The following TASP1 variants were observed in gnomAD, a reference collection of about 807,000 sequenced individuals.
TASP1 encodes the protein threonine aspartase 1.
Under a neutral mutation model 56.6 loss-of-function variants are expected in TASP1, and 16 were observed. The observed-to-expected ratio is 0.28, with a 90% CI of 0.19 to 0.43. TASP1 has a LOEUF of 0.43. Among genes scored for constraint, TASP1 ranks in the 20% least tolerant of loss-of-function variants. The pLI is 1.00. For missense variants in TASP1, 393 were observed against 511.6 expected, an observed-to-expected ratio of 0.77 and a Z score of 2.24; for synonymous variants, 179 against 184.2, an observed-to-expected ratio of 0.97 and a Z score of 0.23.
the TASP1 span, chr20:13,243,948 G>A: frequency 3.3e-5 from 5 of 152,230 alleles, no homozygotes; most frequent in Admixed American, 1.3e-4. Flanking sequence ...TGTTTGCTTA[G>A]TGGAATGAGG....
At chr20:13,178,326 C>T in the TASP1 span, among the ~76,000 whole-genome samples, 1 of 152,048 alleles carries the variant, frequency 6.6e-6, no homozygotes, top group Non-Finnish European at 1.5e-5. Context: ...CTGGTACAGC[C>T]ACTATGAACA....
At chr20:13,528,303 C>A in intron 10 of TASP1, 130 bp downstream of exon 10, 4 of 458,344 alleles carry the variant, frequency 8.7e-6, no homozygotes, top group Non-Finnish European at 7.3e-6. Context: ...CTCGCAAATA[C>A]TGAAGATCTT....
intron 9 of TASP1, among the ~76,000 whole-genome samples, chr20:13,533,045 A>C (rs553529753): frequency 6.6e-6 from 1 of 152,190 alleles, no homozygotes; most frequent in East Asian, 1.9e-4. Flanking sequence ...TAGGAATGTA[A>C]GCAGCTTAGA....
chr20:13,568,317 A>G (rs1473807914), intron 7 of TASP1, among the ~76,000 whole-genome samples: 3 of 152,050 alleles, frequency 2.0e-5, no homozygotes, highest in African/African-American at 7.2e-5. Context: ...CTGGCTAATT[A>G]TACCCTATTT....
At chr20:13,190,885 A>T in the TASP1 span, among the ~76,000 whole-genome samples, 2 of 152,120 alleles carry the variant, frequency 1.3e-5, no homozygotes, top group African/African-American at 2.4e-5. Context: ...ATAACAGCTA[A>T]AAAAGAAAAA....
intron 12 of TASP1, among the ~76,000 whole-genome samples, chr20:13,419,252 ATTTG>A (rs941306271): frequency 2.0e-5 from 3 of 151,972 alleles, no homozygotes; most frequent in Non-Finnish European, 2.9e-5. Context: ...AAATGCACTT[ATTTG>A]TTTGTGTGTA....
chr20:13,164,326 T>C, the TASP1 span: 1 of 471,756 alleles, frequency 2.1e-6, no homozygotes, highest in Non-Finnish European at 4.4e-6. Flanking sequence ...GTTAATCAGC[T>C]CCCGCAACAT....
At chr20:13,416,744 C>G (rs1268966156) in intron 13 of TASP1, among the ~76,000 whole-genome samples, 1 of 152,042 alleles carries the variant, frequency 6.6e-6, no homozygotes, top group Admixed American at 6.5e-5. Context: ...AATTTATGAA[C>G]AAGAAGAACA....
Position 13,390,398 on chromosome 20 carries a change from C to T in TASP1, c.1225G>A (p.Glu409Lys), listed in dbSNP as rs761973059. Residue 409 changes from glutamate to lysine, a missense_variant, in exon 14 of 14, where the codon GAA becomes AAA. By Grantham distance (56) the Glu-to-Lys change is moderately conservative (BLOSUM62 1). Coordinates refer to ENST00000337743, the MANE Select transcript of TASP1 (RefSeq NM_017714.3). The stretch of plus-strand genomic sequence containing the variant: ...CTCTCCAGGCGGCACACCCCACCTT[C>T]GATTGCCACAGACTGTCCTGCCACC... ...GAVAGQSVAI[E>K]GGVCRLESPV... The T allele has an allele frequency of 1.9e-6, 3 of 1,613,978 alleles. No homozygotes were observed. The highest frequency in any genetic ancestry group is 2.2e-5 in the South Asian group (2 of 91,090).
the TASP1 span, among the ~76,000 whole-genome samples, chr20:13,106,543 C>A: frequency 3.3e-5 from 5 of 152,072 alleles, no homozygotes; most frequent in African/African-American, 1.2e-4. Context: ...AATCAGGAGG[C>A]TGTGTGTTGG....
chr20:13,299,551 C>G, the TASP1 span: 3 of 1,173,358 alleles, frequency 2.6e-6, no homozygotes, highest in Admixed American at 4.3e-5. The surrounding 1 kb of genome is among the most constrained non-coding windows in gnomAD (Gnocchi z 5.8). Context: ...ACCTTCATAG[C>G]TGCGGTCGTG....
At chr20:13,191,127 T>C in the TASP1 span, among the ~76,000 whole-genome samples, 2 of 152,172 alleles carry the variant, frequency 1.3e-5, no homozygotes, top group Non-Finnish European at 2.9e-5. Context: ...CGAACTCTTA[T>C]ATACTGTTAG....
the TASP1 span, among the ~76,000 whole-genome samples, chr20:13,137,316 G>C: frequency 6.6e-6 from 1 of 152,144 alleles, no homozygotes; most frequent in Non-Finnish European, 1.5e-5. Context: ...CTACTTGCAC[G>C]TTACACACTG....
intron 13 of TASP1, among the ~76,000 whole-genome samples, chr20:13,401,505 A>C (rs1199902708): frequency 2.0e-5 from 3 of 152,150 alleles, no homozygotes; most frequent in Non-Finnish European, 4.4e-5. Context: ...CACATCTGTA[A>C]CTCACCCATT....
At chr20:13,552,600 G>C (rs1461964495) in intron 8 of TASP1, among the ~76,000 whole-genome samples, 1 of 152,082 alleles carries the variant, frequency 6.6e-6, no homozygotes, top group Non-Finnish European at 1.5e-5. Flanking sequence ...AAGTGACATT[G>C]GCAAAAATTT....
intron 10 of TASP1, among the ~76,000 whole-genome samples, chr20:13,485,702 C>A (rs2043299227): frequency 6.6e-6 from 1 of 152,090 alleles, no homozygotes; most frequent in Non-Finnish European, 1.5e-5. Context: ...ATAAAGCTAA[C>A]AGAAAGAAAT....
chr20:13,495,029 C>A (rs918939419), intron 10 of TASP1, among the ~76,000 whole-genome samples: 8 of 151,460 alleles, frequency 5.3e-5, no homozygotes, highest in African/African-American at 1.9e-4. Flanking sequence ...TTTCACTATA[C>A]ATATTGATTA....
At chr20:13,227,189 A>C in the TASP1 span, among the ~76,000 whole-genome samples, 6 of 151,344 alleles carry the variant, frequency 4.0e-5, no homozygotes, top group Non-Finnish European at 8.8e-5. Context: ...TTGACTTTTT[A>C]ATTTACTTTT....
chr20:13,291,849 C>G, the TASP1 span, among the ~76,000 whole-genome samples: 4 of 152,186 alleles, frequency 2.6e-5, no homozygotes, highest in Admixed American at 2.6e-4. Context: ...ACTTGCTGCT[C>G]TAAGTACTTT....
Sources: gnomAD v4.1 joint callset for allele counts (sites outside exome capture counted in the v4.1 genomes callset) on GRCh38, gnomAD v4.1.1 for gene constraint, Gnocchi (gnomAD v3.1) non-coding constraint, MANE v1.5 for transcripts, NCBI Gene and HGNC (gene_info 2026-07-23, HGNC 2026-07-21) for gene names.